The following RAD54B variants were observed in gnomAD, a reference collection of about 807,000 sequenced individuals.
RAD54B encodes the protein RAD54 homolog B, also known as DNA repair and recombination protein RAD54B.
In RAD54B, 78 loss-of-function variants were observed where a neutral mutation model predicts 95.8. The observed-to-expected ratio is 0.81, with a 90% CI of 0.68 to 0.98. The LOEUF is 0.98. Among genes scored for constraint, RAD54B ranks in the 50% least tolerant of loss-of-function variants. RAD54B has a pLI of 0.00. For missense variants in RAD54B, 957 were observed against 1,056.6 expected, an observed-to-expected ratio of 0.91 and a Z score of 1.31; for synonymous variants, 328 against 354.9, an observed-to-expected ratio of 0.92 and a Z score of 0.85.
chr8:94,430,000 C>T (rs1288536470), intron 3 of RAD54B: 1 of 985,248 alleles, frequency 1.0e-6, no homozygotes, highest in Non-Finnish European at 1.2e-6. Flanking sequence ...TCTCATTGTA[C>T]GTTAAGTCTG....
intron 8 of RAD54B, among the ~76,000 whole-genome samples, chr8:94,397,269 A>G (rs907535232): frequency 2.1e-4 from 32 of 152,178 alleles, no homozygotes; most frequent in Non-Finnish European, 4.6e-4. Flanking sequence ...CATAATAAGG[A>G]ACAAATCATC....
rs531845978 is a variant in RAD54B, at chr8:94,464,320, G to A, written c.135+3085C>T. ...AACGTGCTTCCCTGGCTATGAAGAC[G>A]GAAGAAGGGGACCATGAGCCAAGGA... On this transcript the variant is annotated intron_variant, in intron 2 of 14. Transcript: ENST00000336148. Among the ~76,000 whole-genome samples, 7 of 152,248 alleles carry A rather than the reference G, an allele frequency of 4.6e-5. No homozygotes were observed. In the South Asian group the frequency reaches 6.2e-4, roughly 14 times the overall value.
At chr8:94,440,461 T>C (rs1455896556) in intron 3 of RAD54B, among the ~76,000 whole-genome samples, 1 of 152,192 alleles carries the variant, frequency 6.6e-6, no homozygotes, top group Non-Finnish European at 1.5e-5. Context: ...GATATACTTG[T>C]TAAGAATATT....
At chr8:94,429,448 A>G in intron 3 of RAD54B, 1 of 954,144 alleles carries the variant, frequency 1.0e-6, no homozygotes, top group Non-Finnish European at 1.2e-6. Context: ...AATGTTCCAC[A>G]GAACACACTT....
chr8:94,467,311 C>T, intron 2 of RAD54B, 94 bp downstream of exon 2: 2 of 1,104,550 alleles, frequency 1.8e-6, no homozygotes, highest in Non-Finnish European at 2.5e-6. Context: ...AAAATTCCTA[C>T]AGGCAGAAAA....
intron 8 of RAD54B, among the ~76,000 whole-genome samples, chr8:94,396,787 G>A (rs941187077): frequency 6.6e-6 from 1 of 152,102 alleles, no homozygotes; most frequent in Non-Finnish European, 1.5e-5. Context: ...TTTGGAGATA[G>A]GACCTTTAAG....
rs1811417230 is a variant in RAD54B at position 94,407,426 on chromosome 8, T to C, written c.781+13A>G. 6.4e-7 allele frequency: 1 copy of C among 1,562,834 alleles called. No homozygotes were observed. On this transcript the variant is annotated intron_variant, in intron 5 of 14. Transcript: ENST00000336148. ...GTAAAAACAGAAAATTCAAATTATT[T>C]TTAAAATCTTACTTGGCGTATATGG... is the stretch of plus-strand genomic sequence containing the variant.
intron 14 of RAD54B, among the ~76,000 whole-genome samples, chr8:94,375,777 T>C (rs1269943589): frequency 6.6e-6 from 1 of 152,244 alleles, no homozygotes; most frequent in East Asian, 1.9e-4. Flanking sequence ...TATAATTTAT[T>C]GGGAGGAAAA....
At chr8:94,378,862 T>G (rs1236779789) in intron 12 of RAD54B, among the ~76,000 whole-genome samples, 2 of 152,002 alleles carry the variant, frequency 1.3e-5, no homozygotes, top group African/African-American at 4.8e-5. Flanking sequence ...ACTACAAGAG[T>G]ATCATGCAAG....
chr8:94,416,213 G>A (rs1811661782), intron 3 of RAD54B, among the ~76,000 whole-genome samples: 2 of 151,290 alleles, frequency 1.3e-5, no homozygotes, highest in South Asian at 4.2e-4. Flanking sequence ...CATGTCCTTT[G>A]TAGGGACATG....
intron 3 of RAD54B, among the ~76,000 whole-genome samples, chr8:94,441,143 G>A (rs530890718): frequency 6.6e-6 from 1 of 152,262 alleles, no homozygotes; most frequent in Non-Finnish European, 1.5e-5. Context: ...AATCAATCAC[G>A]ACCCTTTCAT....
chr8:94,432,299 C>T, intron 3 of RAD54B: 1 of 1,550,264 alleles, frequency 6.5e-7, no homozygotes. Flanking sequence ...CTAAAATTAT[C>T]TGATGCTCCT....
chr8:94,407,692 T>C lies in RAD54B; in HGVS notation c.528A>G (p.Glu176=). Residue 176 remains glutamate, a synonymous_variant, in exon 5 of 15, where the codon GAA becomes GAG. Coordinates refer to ENST00000336148, the MANE Select transcript of RAD54B (RefSeq NM_012415.3). ...RGIGYKFKEL[E]KIEEGQTLMI... ...TCAGTGTTTGGCCCTCTTCAATCTT[T>C]TCAAGCTCTTTGAATTTATAACCAA... 1 of 1,612,736 alleles carries C rather than the reference T, an allele frequency of 6.2e-7. No individual in the cohort carries two copies. Among genetic ancestry groups the C allele is most frequent in the Non-Finnish European group, 8.5e-7 (1 of 1,179,070 alleles).
At position 94,436,835 on chromosome 8, in the gene RAD54B, A is replaced by C. The variant is rs1011068990; in HGVS notation, c.304+21433T>G. 5.8e-6 allele frequency: 9 copies of C among 1,541,678 alleles called. No individual in the cohort carries two copies. In the South Asian group the frequency reaches 7.3e-5, roughly 12 times the overall value. ...TTTAGCAAATCAAGCTTTTCGGATAAGGTAAAATTGGAAGATCTAGCCTTT... is the reference window on the plus strand; with the variant it reads ...TTTAGCAAATCAAGCTTTTCGGATACGGTAAAATTGGAAGATCTAGCCTTT... On this transcript the variant is annotated intron_variant, in intron 3 of 14. Transcript: ENST00000336148.
intron 3 of RAD54B, chr8:94,432,628 C>T (rs1812136800): frequency 9.7e-6 from 15 of 1,541,446 alleles, no homozygotes; most frequent in Non-Finnish European, 1.3e-5. Flanking sequence ...GAACTGGTAC[C>T]AGCCTGTGCC....
intron 3 of RAD54B, among the ~76,000 whole-genome samples, chr8:94,437,981 A>T (rs1005296386): frequency 6.6e-6 from 1 of 152,246 alleles, no homozygotes; most frequent in African/African-American, 2.4e-5. Context: ...ATACTTGAAC[A>T]TAGTTCTATC....
intron 11 of RAD54B, among the ~76,000 whole-genome samples, chr8:94,386,448 A>C (rs1810890879): frequency 6.6e-6 from 1 of 152,180 alleles, no homozygotes; most frequent in East Asian, 1.9e-4. Context: ...AAAAATAAAG[A>C]TGTAGAAATT....
chr8:94,411,555 T>G (rs1202262900), intron 3 of RAD54B, among the ~76,000 whole-genome samples: 1 of 151,958 alleles, frequency 6.6e-6, no homozygotes, highest in African/African-American at 2.4e-5. Context: ...TCAAATAAAC[T>G]CAAATGAAGT....
chr8:94,414,615 A>G (rs1468624910), intron 3 of RAD54B, among the ~76,000 whole-genome samples: 1 of 152,176 alleles, frequency 6.6e-6, no homozygotes, highest in Non-Finnish European at 1.5e-5. Flanking sequence ...TTCTGTTTAT[A>G]TGCTGGATTA....
Sources: gnomAD v4.1 joint callset for allele counts (sites outside exome capture counted in the v4.1 genomes callset) on GRCh38, gnomAD v4.1.1 for gene constraint, MANE v1.5 for transcripts, NCBI Gene and HGNC (gene_info 2026-07-23, HGNC 2026-07-21) for gene names.